HSD17B1: variants seen among roughly 807,000 people sequenced by gnomAD.
The protein encoded by HSD17B1 is 17-beta-hydroxysteroid dehydrogenase type 1.
HSD17B1 carries 16 observed loss-of-function variants against 22.7 expected under a neutral mutation model. The ratio of observed to expected loss-of-function variants is 0.71; its 90% CI spans 0.48 to 1.07. The LOEUF (loss-of-function observed/expected upper bound fraction) is 1.07, where lower values mean the gene tolerates loss of function less well. Among genes scored for constraint, HSD17B1 ranks in the 50% least tolerant of loss-of-function variants. The pLI is 0.00. For missense variants in HSD17B1, 533 were observed against 459.9 expected (o/e 1.16, Z -1.45); for synonymous variants, 243 against 211.0 (o/e 1.15, Z -1.31).
In HSD17B1 at chr17:42,554,767, C is replaced by A. The variant is rs762008313; in HGVS notation, c.816C>A (p.Ser272Arg). The A allele has an allele frequency of 1.2e-6, 2 of 1,603,636 alleles. No individual in the cohort carries two copies. The highest frequency in any genetic ancestry group is 3.3e-5 in the Admixed American group (2 of 60,014). The change falls in exon 6 of 6, where the codon AGC (serine) becomes AGA (arginine). Residue 272 changes from serine to arginine, a missense_variant. Transcript: ENST00000585807. ...PLLRMRLDDP[S>R]GSNYVTAMHR... ...TGCGGATGCGCCTGGACGACCCCAG[C>A]GGCTCCAACTACGTCACCGCCATGC...
Position 42,553,279 on chromosome 17 carries a change from G to A in HSD17B1, c.253G>A (p.Val85Met), listed in dbSNP as rs2092949702. ...CCGGGAACGCGTGACTGAGGGCCGCGTGGACGTGCTGGGTGAGCCTCCTGG... is the reference window on the plus strand; with the variant it reads ...CCGGGAACGCGTGACTGAGGGCCGCATGGACGTGCTGGGTGAGCCTCCTGG... ...AARERVTEGRVDVLVCNAGLG... is the reference protein window; with the variant it reads ...AARERVTEGRMDVLVCNAGLG... Residue 85 changes from valine (V) to methionine (M), a missense_variant, in exon 2 of 6, where the codon GTG becomes ATG. Coordinates refer to ENST00000585807, the MANE Select transcript of HSD17B1 (RefSeq NM_000413.4). The A allele has an allele frequency of 6.2e-7, 1 of 1,608,858 alleles. No individual in the cohort carries two copies. The highest frequency in any genetic ancestry group is 8.5e-7 in the Non-Finnish European group (1 of 1,179,884).
intron 4 of HSD17B1, chr17:42,554,146 C>G: frequency 3.1e-6 from 2 of 647,686 alleles, no homozygotes; most frequent in Non-Finnish European, 5.3e-6. Context: ...ACACAGCGGC[C>G]AGGGACCCCG....
chr17:42,554,731 C>T lies in HSD17B1; in HGVS notation c.780C>T (p.Phe260=), dbSNP rs371612157. The change falls in exon 6 of 6, where the codon TTC becomes TTT. Residue 260 remains phenylalanine (F), a synonymous_variant. Coordinates refer to ENST00000585807, the MANE Select transcript of HSD17B1 (RefSeq NM_000413.4). The part of the protein sequence containing the change: ...PTLRYFTTER[F]LPLLRMRLDD... ...TGCGCTACTTCACCACCGAGCGCTTCCTGCCCCTGCTGCGGATGCGCCTGG... is the reference window on the plus strand; with the variant it reads ...TGCGCTACTTCACCACCGAGCGCTTTCTGCCCCTGCTGCGGATGCGCCTGG... The T allele has an allele frequency of 2.4e-5, 39 of 1,603,798 alleles. No homozygotes were observed. Among genetic ancestry groups the T allele is most frequent in the Non-Finnish European group, 3.3e-5 (39 of 1,179,760 alleles).
Position 42,553,573 on chromosome 17 carries a change from G to T in HSD17B1, c.400G>T (p.Gly134Cys). The change falls in exon 3 of 6, where the codon GGT (glycine) becomes TGT (cysteine). Residue 134 changes from glycine (G) to cysteine (C), a missense_variant. By Grantham distance (159) the Gly-to-Cys change is radical. Transcript: ENST00000585807. Reference protein sequence around the residue: ...QAFLPDMKRRGSGRVLVTGSV... With the variant: ...QAFLPDMKRRCSGRVLVTGSV... The stretch of plus-strand genomic sequence containing the variant: ...CTTCCTGCCAGACATGAAGAGGCGC[G>T]GTTCGGGACGCGTGTTGGTGACCGG... 1 of 1,612,822 alleles carries T rather than the reference G, an allele frequency of 6.2e-7. No individual in the cohort carries two copies. Among genetic ancestry groups the T allele is most frequent in the Non-Finnish European group, 8.5e-7 (1 of 1,179,446 alleles).
intron 2 of HSD17B1, 58 bp from the exon 3 acceptor site, chr17:42,553,381 G>C: frequency 5.6e-6 from 9 of 1,605,940 alleles, no homozygotes; most frequent in Non-Finnish European, 7.6e-6. Flanking sequence ...AGCACGAGGG[G>C]ACAGGCCGTG....
Position 42,554,429 on chromosome 17 carries a change from A to G in HSD17B1, c.564A>G (p.Pro188=). The G allele has an allele frequency of 6.2e-7, 1 of 1,612,206 alleles. No individual in the cohort carries two copies. The change falls in exon 5 of 6, where the codon CCA becomes CCG. Residue 188 remains proline (P), a synonymous_variant. Coordinates refer to ENST00000585807, the MANE Select transcript of HSD17B1 (RefSeq NM_000413.4). The part of the protein sequence containing the change: ...GVHLSLIECG[P]VHTAFMEKVL... ...GCTTGAGCCTGATCGAGTGCGGCCC[A>G]GTGCACACCGCCTTCATGGAGAAGG...
Position 42,554,533 on chromosome 17 carries a change from G to A in HSD17B1, c.668G>A (p.Ser223Asn), listed in dbSNP as rs146195480. ...FHRFYQYLAH[S>N]KQVFREAAQN... ...CGCTTCTACCAATACCTCGCCCACA[G>A]CAAGCAAGTCTTTCGCGAGGCGGCG... Residue 223 changes from serine to asparagine, a missense_variant, in exon 5 of 6, where the codon AGC becomes AAC. Transcript: ENST00000585807. 2.0e-3 allele frequency: 3,201 copies of A among 1,614,062 alleles called. 9 individuals are homozygous for A. The highest frequency in any genetic ancestry group is 2.7e-3 in the Admixed American group (161 of 60,028).
At chr17:42,553,416 G>T (rs2092950392) in intron 2 of HSD17B1, 23 bp from the exon 3 acceptor site, 2 of 1,610,112 alleles carry the variant, frequency 1.2e-6, no homozygotes, top group East Asian at 4.5e-5. Context: ...GAGGCGGGCT[G>T]GTCGGGCCTC....
At chr17:42,554,193 C>G in intron 4 of HSD17B1, 1 of 726,266 alleles carries the variant, frequency 1.4e-6, no homozygotes, top group Non-Finnish European at 2.2e-6. Context: ...TCCCTTGTAG[C>G]CTCAGATGGA....
At position 42,553,294 on chromosome 17, in the gene HSD17B1, G is replaced by A. The variant is rs1295037064; in HGVS notation, c.265+3G>A. The A allele has an allele frequency of 1.2e-6, 2 of 1,606,698 alleles. No individual in the cohort carries two copies. The highest frequency in any genetic ancestry group is 1.1e-5 in the South Asian group (1 of 91,082). On this transcript the variant is annotated splice_donor_region_variant and intron_variant, in intron 2 of 5. Transcript: ENST00000585807. ...TGAGGGCCGCGTGGACGTGCTGGGT[G>A]AGCCTCCTGGAAGCATATGGGCTCC...
chr17:42,554,689 C>A lies in HSD17B1; in HGVS notation c.738C>A (p.Arg246=). The change falls in exon 6 of 6, where the codon CGC becomes CGA. Residue 246 remains arginine (R), a synonymous_variant. Transcript: ENST00000585807. The part of the protein sequence containing the change: ...EVAEVFLTAL[R]APKPTLRYFT... ...CGCAGGTCTTCCTCACCGCTTTGCG[C>A]GCCCCGAAGCCGACCCTGCGCTACT... 6.2e-7 allele frequency: 1 copy of A among 1,603,710 alleles called. No homozygotes were observed.
At position 42,552,987 on chromosome 17, in the gene HSD17B1, C is replaced by G. The variant is rs768550964; in HGVS notation, c.54C>G (p.His18Gln). 10 of 1,614,054 alleles carry G rather than the reference C, an allele frequency of 6.2e-6. No homozygotes were observed. In the East Asian group the frequency reaches 2.0e-4, roughly 32 times the overall value. ...ITGCSSGIGL[H>Q]LAVRLASDPS... is the part of the protein sequence containing the mutation. ...GCTGTTCCTCGGGCATCGGCCTGCA[C>G]TTGGCCGTACGTCTGGCTTCAGATC... is the stretch of plus-strand genomic sequence containing the variant. Residue 18 changes from histidine to glutamine, a missense_variant, in exon 1 of 6, where the codon CAC (histidine) becomes CAG (glutamine). His to Gln is a conservative substitution (Grantham distance 24). Coordinates refer to ENST00000585807, the MANE Select transcript of HSD17B1 (RefSeq NM_000413.4).
Position 42,552,924 on chromosome 17 carries a change from C to T in HSD17B1, c.-10C>T. 1 of 1,613,058 alleles carries T rather than the reference C, an allele frequency of 6.2e-7. No homozygotes were observed. The highest frequency in any genetic ancestry group is 8.5e-7 in the Non-Finnish European group (1 of 1,179,300). On this transcript the variant is annotated 5_prime_UTR_variant, in exon 1 of 6. Transcript: ENST00000585807. The stretch of plus-strand genomic sequence containing the variant: ...AGCCCAGAGCCCCAGCCTCTCCCCA[C>T]AGTCTCACCATGGCCCGCACCGTGG...
At chr17:42,553,969 G>A (rs768651204) in intron 4 of HSD17B1, 82 bp downstream of exon 4, 17 of 1,226,600 alleles carry the variant, frequency 1.4e-5, no homozygotes, top group Non-Finnish European at 2.0e-5. Context: ...GAGCCGCTCT[G>A]GGGCGATCTC....
rs781717218 is a variant in HSD17B1, at chr17:42,554,598, G to T, written c.717+16G>T. 6.2e-7 allele frequency: 1 copy of T among 1,610,526 alleles called. No individual in the cohort carries two copies. The highest frequency in any genetic ancestry group is 8.5e-7 in the Non-Finnish European group (1 of 1,178,138). ...GGTGGCGGAGGTGAGCGCCGGGCTG[G>T]ACTCCAGGAGTGGGGGCGGTGCGTC... On this transcript the variant is annotated intron_variant, in intron 5 of 5. Transcript: ENST00000585807.
rs758019648 is a variant in HSD17B1 at position 42,554,794 on chromosome 17, C to A, written c.843C>A (p.His281Gln). 1.2e-6 allele frequency: 2 copies of A among 1,602,500 alleles called. No individual in the cohort carries two copies. The highest frequency in any genetic ancestry group is 1.7e-6 in the Non-Finnish European group (2 of 1,179,674). Reference sequence around the variant, plus strand: ...GCTCCAACTACGTCACCGCCATGCACCGGGAAGTGTTCGGCGACGTTCCGG... The same window carrying A: ...GCTCCAACTACGTCACCGCCATGCAACGGGAAGTGTTCGGCGACGTTCCGG... ...PSGSNYVTAM[H>Q]REVFGDVPAK... The change falls in exon 6 of 6, where the codon CAC (histidine) becomes CAA (glutamine). Residue 281 changes from histidine to glutamine, a missense_variant. His to Gln is a conservative substitution (Grantham distance 24). Transcript: ENST00000585807.
chr17:42,553,645 GCT>G, intron 3 of HSD17B1, 27 bp downstream of exon 3: 1 of 1,598,712 alleles, frequency 6.3e-7, no homozygotes, highest in Non-Finnish European at 8.5e-7. Flanking sequence ...GGCCTCGGCA[GCT>G]CCAGATTCTT....
rs2143153755 is a variant in HSD17B1 at position 42,554,537 on chromosome 17, G to A, written c.672G>A (p.Lys224=). 1 of 1,614,056 alleles carries A rather than the reference G, an allele frequency of 6.2e-7. No homozygotes were observed. Among genetic ancestry groups the A allele is most frequent in the Admixed American group, 1.7e-5 (1 of 60,028 alleles). The change falls in exon 5 of 6, where the codon AAG becomes AAA. Residue 224 remains lysine, a synonymous_variant. Transcript: ENST00000585807. ...TCTACCAATACCTCGCCCACAGCAA[G>A]CAAGTCTTTCGCGAGGCGGCGCAGA... The part of the protein sequence containing the change: ...HRFYQYLAHS[K]QVFREAAQNP...
rs1479574553 is a variant in HSD17B1, at chr17:42,553,000, C to G, written c.67C>G (p.Leu23Val). 6.2e-7 allele frequency: 1 copy of G among 1,614,140 alleles called. No homozygotes were observed. Residue 23 changes from leucine (L) to valine (V), a missense_variant, in exon 1 of 6, where the codon CTG becomes GTG. Leu to Val is a conservative substitution (Grantham distance 32). Coordinates refer to ENST00000585807, the MANE Select transcript of HSD17B1 (RefSeq NM_000413.4). ...CATCGGCCTGCACTTGGCCGTACGTCTGGCTTCAGATCCATCCCAGAGCTT... is the reference window on the plus strand; with the variant it reads ...CATCGGCCTGCACTTGGCCGTACGTGTGGCTTCAGATCCATCCCAGAGCTT... ...SGIGLHLAVRLASDPSQSFKV... is the reference protein window; with the variant it reads ...SGIGLHLAVRVASDPSQSFKV...
Sources: allele counts gnomAD v4.1 joint callset, GRCh38; gene constraint gnomAD v4.1.1; transcripts MANE v1.5; gene names NCBI Gene and HGNC (gene_info 2026-07-23, HGNC 2026-07-21).